The following ZNF423 variants were observed in gnomAD, a reference collection of about 807,000 sequenced individuals.
ZNF423 encodes the protein Ebf-associated zinc finger protein.
ZNF423 carries 12 observed loss-of-function variants against 95.8 expected under a neutral mutation model. The ratio of observed to expected loss-of-function variants is 0.13; its 90% CI spans 0.08 to 0.20. The LOEUF (loss-of-function observed/expected upper bound fraction) is 0.20, where lower values mean the gene tolerates loss of function less well. Ranked by LOEUF, ZNF423 falls within the 10% of genes least tolerant of loss-of-function variation. The pLI is 1.00. For missense variants in ZNF423, 1,316 were observed against 1,737.1 expected, an observed-to-expected ratio of 0.76 and a Z score of 4.31; for synonymous variants, 749 against 711.9, an observed-to-expected ratio of 1.05 and a Z score of -0.83.
At chr16:49,698,007 G>A (rs928246491) in intron 3 of ZNF423, among the ~76,000 whole-genome samples, 11 of 148,752 alleles carry the variant, frequency 7.4e-5, no homozygotes, top group Non-Finnish European at 1.3e-4. Flanking sequence ...CTGGGGGTGC[G>A]TGTGTGTGTG....
chr16:49,735,429 G>T (rs2033261589), intron 2 of ZNF423, among the ~76,000 whole-genome samples: 1 of 152,044 alleles, frequency 6.6e-6, no homozygotes, highest in Non-Finnish European at 1.5e-5. Context: ...CTCTCCCTTG[G>T]CAGGCTGCAT....
intron 5 of ZNF423, among the ~76,000 whole-genome samples, chr16:49,599,233 T>C (rs1352282319): frequency 1.3e-5 from 2 of 152,124 alleles, no homozygotes; most frequent in Non-Finnish European, 2.9e-5. Context: ...CAATGGCAAA[T>C]TTCCATGTTC....
rs896823232 is a variant in ZNF423, at chr16:49,491,394, G to A, written c.3850-90C>T. ...ACTCAGTGCATTTACGCCGGGAGCC[G>A]CAGAAAAGCGTCTCGATTATAACAA... On this transcript the variant is annotated intron_variant, in intron 7 of 7. Coordinates refer to ENST00000563137, the MANE Select transcript of ZNF423 (RefSeq NM_001379286.1). 3.3e-6 allele frequency: 5 copies of A among 1,497,598 alleles called. No homozygotes were observed. The East Asian group carries it at 6.8e-5, about 20-fold the overall frequency. The allele number at this position is 1,497,598 out of a possible 1,614,324, so 92.8% of individuals were successfully genotyped here. A position where few individuals can be genotyped will look rare whatever the true frequency, so the allele number is the denominator to read the frequency against.
intron 5 of ZNF423, among the ~76,000 whole-genome samples, chr16:49,566,952 G>A (rs919754473): frequency 6.6e-6 from 1 of 152,158 alleles, no homozygotes; most frequent in African/African-American, 2.4e-5. Context: ...AGAGCCATGT[G>A]TTCCTAAGCT....
At position 49,614,594 on chromosome 16, in the gene ZNF423, G is replaced by A. The variant is rs148076807; in HGVS notation, c.3601+11576C>T. On this transcript the variant is annotated intron_variant, in intron 5 of 7. Coordinates refer to ENST00000563137, the MANE Select transcript of ZNF423 (RefSeq NM_001379286.1). ...GTGTCTATGGCTATAAAAGGGCAAC[G>A]GGAGGGATTCTTGTGGCAATGGAAA... 2.6e-3 allele frequency among the ~76,000 whole-genome samples: 396 copies of A among 152,282 alleles called. 4 individuals are homozygous for A. Among genetic ancestry groups the A allele is most frequent in the African/African-American group, 8.4e-3 (349 of 41,556 alleles).
intron 2 of ZNF423, among the ~76,000 whole-genome samples, chr16:49,752,795 T>C (rs921929397): frequency 6.6e-6 from 1 of 152,166 alleles, no homozygotes; most frequent in Non-Finnish European, 1.5e-5. Flanking sequence ...GTGGAGCTCA[T>C]TCAAGGTAAC....
chr16:49,729,344 T>C (rs1213444825), intron 3 of ZNF423, among the ~76,000 whole-genome samples: 3 of 152,180 alleles, frequency 2.0e-5, no homozygotes, highest in African/African-American at 4.8e-5. Context: ...ATAATATTAT[T>C]CCTCAAGTAG....
At chr16:49,574,325 A>T (rs529444930) in intron 5 of ZNF423, among the ~76,000 whole-genome samples, 2 of 152,350 alleles carry the variant, frequency 1.3e-5, no homozygotes, top group East Asian at 3.9e-4. Context: ...TTGAGGCTGC[A>T]GTGAGCTATG....
chr16:49,542,749 C>T (rs1179186657), intron 5 of ZNF423, among the ~76,000 whole-genome samples: 1 of 152,196 alleles, frequency 6.6e-6, no homozygotes, highest in Non-Finnish European at 1.5e-5. Flanking sequence ...CACAGGCTCA[C>T]CCGGCCAGAT....
intron 5 of ZNF423, among the ~76,000 whole-genome samples, chr16:49,545,454 T>G (rs775816525): frequency 6.6e-6 from 1 of 152,080 alleles, no homozygotes; most frequent in Non-Finnish European, 1.5e-5. Context: ...CACATGACCA[T>G]GCCACCCCAT....
chr16:49,552,911 C>T (rs1047448447), intron 5 of ZNF423, among the ~76,000 whole-genome samples: 1 of 152,022 alleles, frequency 6.6e-6, no homozygotes, highest in Non-Finnish European at 1.5e-5. Flanking sequence ...CCGACCCCAC[C>T]TGGACCCGCT....
intron 5 of ZNF423, among the ~76,000 whole-genome samples, chr16:49,582,706 G>A (rs1970710418): frequency 6.6e-6 from 1 of 152,108 alleles, no homozygotes; most frequent in South Asian, 2.1e-4. Flanking sequence ...GGTTAGAGAA[G>A]GAAGAATTTA....
chr16:49,660,902 T>C (rs1378004996), intron 3 of ZNF423, among the ~76,000 whole-genome samples: 1 of 152,030 alleles, frequency 6.6e-6, no homozygotes, highest in Non-Finnish European at 1.5e-5. Context: ...AATAAGATAA[T>C]AAGCTCAGAT....
At chr16:49,653,807 C>A (rs1336991430) in intron 3 of ZNF423, among the ~76,000 whole-genome samples, 2 of 152,224 alleles carry the variant, frequency 1.3e-5, no homozygotes, top group African/African-American at 2.4e-5. Flanking sequence ...CCCTGACTGC[C>A]TCTGTCATCC....
At chr16:49,644,682 A>C (rs79746527) in intron 3 of ZNF423, among the ~76,000 whole-genome samples, 3,138 of 142,606 alleles carry the variant, frequency 0.022, 106 homozygotes, top group Non-Finnish European at 0.037. Flanking sequence ...AAAAAAAAAA[A>C]AAAAAAAAAA....
intron 1 of ZNF423, among the ~76,000 whole-genome samples, chr16:49,790,976 C>T (rs1050659120): frequency 6.6e-6 from 1 of 152,132 alleles, no homozygotes; most frequent in Non-Finnish European, 1.5e-5. Context: ...CTCAAACAGT[C>T]CTGCTCTACG....
chr16:49,670,672 C>T (rs1015649128), intron 3 of ZNF423, among the ~76,000 whole-genome samples: 3 of 152,148 alleles, frequency 2.0e-5, no homozygotes, highest in Non-Finnish European at 4.4e-5. Flanking sequence ...CCACATGCTC[C>T]GGCTCCCCCT....
chr16:49,721,534 C>T lies in ZNF423; in HGVS notation c.301+9237G>A, dbSNP rs932385090. Among the ~76,000 whole-genome samples, 37 of 152,200 alleles carry T rather than the reference C, an allele frequency of 2.4e-4. 1 individual carries two copies. The East Asian group carries it at 7.0e-3, about 29-fold the overall frequency. ...GGACACCGGAAGCTTTGGCTGCTGC[C>T]AGGAAGGTAACAGAAACCGGGGACA... On this transcript the variant is annotated intron_variant, in intron 3 of 7. Coordinates refer to ENST00000563137, the MANE Select transcript of ZNF423 (RefSeq NM_001379286.1).
At chr16:49,497,269 G>A (rs150753948) in intron 7 of ZNF423, among the ~76,000 whole-genome samples, 11 of 129,374 alleles carry the variant, frequency 8.5e-5, no homozygotes, top group Admixed American at 6.7e-4. Flanking sequence ...TTCTTCCACA[G>A]ATGTTCACTG....
Sources: allele counts gnomAD v4.1 joint callset (sites outside exome capture counted in the v4.1 genomes callset), GRCh38; gene constraint gnomAD v4.1.1; transcripts MANE v1.5; gene names NCBI Gene and HGNC (gene_info 2026-07-23, HGNC 2026-07-21).